Variants in DTD1 observed in about 807,000 individuals in gnomAD.
The protein encoded by DTD1 is D-tyrosyl-tRNA deacylase 1 homolog.
DTD1 carries 13 observed loss-of-function variants against 25.6 expected under a neutral mutation model. The observed-to-expected ratio is 0.51, with a 90% CI of 0.33 to 0.81. DTD1 has a LOEUF of 0.81. Among genes scored for constraint, DTD1 ranks in the 30% least tolerant of loss-of-function variants. The pLI is 0.02. For synonymous variants in DTD1, 110 were observed against 103.6 expected (o/e 1.06, Z -0.37); for missense variants, 193 against 266.4 (o/e 0.72, Z 1.92).
intron 4 of DTD1, among the ~76,000 whole-genome samples, chr20:18,683,031 T>C (rs142776866): frequency 1.3e-5 from 2 of 152,360 alleles, no homozygotes; most frequent in Admixed American, 1.3e-4. Context: ...GCTGATTTAC[T>C]CTTAACCTTC....
chr20:18,670,948 G>A (rs993418127), intron 4 of DTD1, among the ~76,000 whole-genome samples: 24 of 152,180 alleles, frequency 1.6e-4, no homozygotes, highest in South Asian at 4.1e-4. Context: ...GGACCCACTC[G>A]GCAGATTCTT....
In DTD1 at chr20:18,669,582, A is replaced by G. The variant is rs372083713; in HGVS notation, c.477+41349A>G. On this transcript the variant is annotated intron_variant, in intron 4 of 5. Transcript: ENST00000377452. ...TCCACATCTTGGTGATAATGAAAAC[A>G]ACGAGTGACCACTGTCGACTGAGCG... Among the ~76,000 whole-genome samples, 41 of 152,194 alleles carry G rather than the reference A, an allele frequency of 2.7e-4. 1 individual carries two copies. In the South Asian group the frequency reaches 8.3e-3, roughly 31 times the overall value.
At chr20:18,628,040 A>C in intron 3 of DTD1, 87 bp from the exon 4 acceptor site, 5 of 1,045,158 alleles carry the variant, frequency 4.8e-6, no homozygotes, top group Non-Finnish European at 7.3e-6. Flanking sequence ...CTTTATTAGC[A>C]GTGTGAAAAT....
intron 4 of DTD1, among the ~76,000 whole-genome samples, chr20:18,710,849 G>T (rs752119373): frequency 6.6e-6 from 1 of 151,724 alleles, no homozygotes; most frequent in Non-Finnish European, 1.5e-5. Flanking sequence ...GGGGCTCTGT[G>T]AGTGAGTTGA....
intron 3 of DTD1, among the ~76,000 whole-genome samples, chr20:18,598,747 G>C (rs1414934696): frequency 6.0e-5 from 9 of 151,038 alleles, no homozygotes; most frequent in Non-Finnish European, 7.4e-5. Flanking sequence ...CTGACCTCGT[G>C]ATCTGCCTGT....
chr20:18,749,260 G>A lies in DTD1; in HGVS notation c.*19+4989G>A, dbSNP rs2061312717. Among the ~76,000 whole-genome samples the A allele has an allele frequency of 6.6e-6, 1 of 151,338 alleles. No homozygotes were observed. Among genetic ancestry groups the A allele is most frequent in the Non-Finnish European group, 1.5e-5 (1 of 68,036 alleles). On this transcript the variant is annotated intron_variant, in intron 5 of 5. Coordinates refer to ENST00000377452, the MANE Select transcript of DTD1 (RefSeq NM_080820.6). This position sits in a 1 kb window ranked among gnomAD's most constrained non-coding sequence, Gnocchi z 4.2. ...GCAGGTGGCTCCAGGGCTCCAGGAG[G>A]CAGCTGCAGCCCAGTGAGGTAGCAA...
chr20:18,708,267 A>T (rs1315663453), intron 4 of DTD1, among the ~76,000 whole-genome samples: 4 of 20,750 alleles, frequency 1.9e-4, no homozygotes, highest in East Asian at 9.8e-4. Flanking sequence ...TATATATTTT[A>T]TATATATATA....
At chr20:18,761,003 C>T (rs905292798) in intron 5 of DTD1, among the ~76,000 whole-genome samples, 24 of 152,274 alleles carry the variant, frequency 1.6e-4, no homozygotes, top group African/African-American at 3.8e-4. Flanking sequence ...TAGCAATGAG[C>T]GAGGCTCTGT....
chr20:18,689,148 C>T (rs2061031529), intron 4 of DTD1, among the ~76,000 whole-genome samples: 1 of 152,114 alleles, frequency 6.6e-6, no homozygotes, highest in African/African-American at 2.4e-5. Flanking sequence ...AATAAAGAAG[C>T]TGGTTCTATT....
At chr20:18,728,731 T>TTCTCAGAGCACAAAGCAGTGCTC (rs2051105025) in intron 4 of DTD1, among the ~76,000 whole-genome samples, 1 of 152,134 alleles carries the variant, frequency 6.6e-6, no homozygotes, top group Non-Finnish European at 1.5e-5. Flanking sequence ...CAGCAGTGCT[T>TTCTCAGAGCACAAAGCAGTGCTC]TCTCAGAGCA....
intron 4 of DTD1, among the ~76,000 whole-genome samples, chr20:18,680,449 C>G (rs2060992700): frequency 7.1e-6 from 1 of 140,286 alleles, no homozygotes; most frequent in African/African-American, 2.7e-5. Flanking sequence ...ACTATGTTGC[C>G]TGGACTGGTC....
intron 4 of DTD1, among the ~76,000 whole-genome samples, chr20:18,710,152 C>A (rs538464271): frequency 1.0e-3 from 159 of 152,162 alleles, no homozygotes; most frequent in African/African-American, 3.6e-3. Context: ...ATGTGGTCAA[C>A]CCTAGTTATG....
At chr20:18,635,402 G>C (rs2060803199) in intron 4 of DTD1, among the ~76,000 whole-genome samples, 1 of 152,168 alleles carries the variant, frequency 6.6e-6, no homozygotes, top group Admixed American at 6.5e-5. Flanking sequence ...CCAGGGCTAG[G>C]GCGCCACCTG....
chr20:18,685,385 G>T (rs1360048765), intron 4 of DTD1, among the ~76,000 whole-genome samples: 14 of 152,218 alleles, frequency 9.2e-5, no homozygotes, highest in Admixed American at 9.2e-4. Context: ...ATACATAGCT[G>T]CCAGTTGGCT....
intron 4 of DTD1, among the ~76,000 whole-genome samples, chr20:18,671,499 C>T (rs781251359): frequency 1.3e-5 from 2 of 152,080 alleles, no homozygotes; most frequent in Non-Finnish European, 2.9e-5. Context: ...ACTTCATAAC[C>T]GAGAGGCTGA....
At chr20:18,667,302 T>G (rs1330264367) in intron 4 of DTD1, among the ~76,000 whole-genome samples, 1 of 152,196 alleles carries the variant, frequency 6.6e-6, no homozygotes, top group African/African-American at 2.4e-5. Context: ...GGGCCTGCTT[T>G]TCATCAGCAG....
intron 4 of DTD1, among the ~76,000 whole-genome samples, chr20:18,639,337 T>G (rs1354095338): frequency 6.6e-6 from 1 of 152,164 alleles, no homozygotes; most frequent in Non-Finnish European, 1.5e-5. Flanking sequence ...ACATGTATAT[T>G]GAATTTGATT....
intron 2 of DTD1, among the ~76,000 whole-genome samples, chr20:18,594,857 G>C (rs368552424): frequency 1.3e-5 from 2 of 152,196 alleles, no homozygotes; most frequent in African/African-American, 4.8e-5. Flanking sequence ...CTAATACTTA[G>C]CCTGGTGCTT....
At chr20:18,742,096 G>A (rs2061280528) in intron 4 of DTD1, among the ~76,000 whole-genome samples, 1 of 151,992 alleles carries the variant, frequency 6.6e-6, no homozygotes, top group Admixed American at 6.6e-5. Context: ...TAGGGGACCA[G>A]ACCACATTAC....
Sources: allele counts gnomAD v4.1 joint callset (sites outside exome capture counted in the v4.1 genomes callset), GRCh38; gene constraint gnomAD v4.1.1; non-coding constraint Gnocchi (gnomAD v3.1); transcripts MANE v1.5; gene names NCBI Gene and HGNC (gene_info 2026-07-23, HGNC 2026-07-21).